CNTN6: variants seen among roughly 807,000 people sequenced by gnomAD.
CNTN6 encodes the protein contactin 6.
A neutral mutation model predicts 122.8 loss-of-function variants in CNTN6; 137 were observed. The observed-to-expected ratio is 1.12, with a 90% CI of 0.97 to 1.29. The LOEUF is 1.29. CNTN6 is among the 50% of genes most tolerant of loss of function. The probability of loss-of-function intolerance (pLI) is 0.00; values close to 1 mark genes in which losing one functional copy is unlikely to be tolerated. For missense variants in CNTN6, 1,634 were observed against 1,223.4 expected, an observed-to-expected ratio of 1.34 and a Z score of -5.01; for synonymous variants, 570 against 426.0, an observed-to-expected ratio of 1.34 and a Z score of -4.16.
chr3:1,128,969 G>A (rs1488421164), intron 1 of CNTN6, among the ~76,000 whole-genome samples: 1 of 151,850 alleles, frequency 6.6e-6, no homozygotes, highest in Non-Finnish European at 1.5e-5. Context: ...GGAACAACTA[G>A]ATATATGCCT....
intron 1 of CNTN6, among the ~76,000 whole-genome samples, chr3:1,100,374 T>A (rs1448093508): frequency 6.6e-6 from 1 of 152,190 alleles, no homozygotes; most frequent in Non-Finnish European, 1.5e-5. Context: ...GGGGACTGTT[T>A]ATGATGTAAT....
intron 1 of CNTN6, among the ~76,000 whole-genome samples, chr3:1,130,400 C>A (rs1164289285): frequency 6.6e-6 from 1 of 152,008 alleles, no homozygotes; most frequent in Non-Finnish European, 1.5e-5. Context: ...TGCTTTCCTC[C>A]AAGCAAGAAA....
intron 1 of CNTN6, among the ~76,000 whole-genome samples, chr3:1,119,585 A>G (rs2091874199): frequency 6.6e-6 from 1 of 151,906 alleles, no homozygotes; most frequent in Non-Finnish European, 1.5e-5. Flanking sequence ...CACAAGACTA[A>G]AAGAGAATTC....
intron 7 of CNTN6, among the ~76,000 whole-genome samples, chr3:1,315,161 C>CTTCAAAGAT (rs1314858745): frequency 6.6e-6 from 1 of 151,644 alleles, no homozygotes; most frequent in East Asian, 2.0e-4. Flanking sequence ...TTCTGAAGAC[C>CTTCAAAGAT]CCTTCAAAGA....
intron 20 of CNTN6, among the ~76,000 whole-genome samples, chr3:1,395,500 A>G (rs1694875457): frequency 1.3e-5 from 2 of 152,230 alleles, no homozygotes; most frequent in South Asian, 4.1e-4. Context: ...CAGCAACAGT[A>G]GGGTACCTTC....
chr3:1,163,584 T>A (rs1177290940), intron 2 of CNTN6, among the ~76,000 whole-genome samples: 2 of 152,130 alleles, frequency 1.3e-5, no homozygotes, highest in Non-Finnish European at 2.9e-5. Context: ...GCTAATTTTT[T>A]AAATTATTAC....
chr3:1,160,807 C>A (rs1400859267), intron 2 of CNTN6, among the ~76,000 whole-genome samples: 1 of 152,004 alleles, frequency 6.6e-6, no homozygotes, highest in Non-Finnish European at 1.5e-5. Context: ...TGTGCTGGAG[C>A]TGACTCGTAG....
chr3:1,205,585 TATCTAC>T (rs1191666671), intron 2 of CNTN6, among the ~76,000 whole-genome samples: 4 of 152,204 alleles, frequency 2.6e-5, no homozygotes, highest in African/African-American at 9.7e-5. Flanking sequence ...TGTAGCTACC[TATCTAC>T]ATCTACAAGT....
intron 1 of CNTN6, among the ~76,000 whole-genome samples, chr3:1,120,684 A>G (rs2091916124): frequency 6.6e-6 from 1 of 151,888 alleles, no homozygotes; most frequent in Non-Finnish European, 1.5e-5. Context: ...TTTGAGTCCT[A>G]AGAAATCTTT....
At chr3:1,261,863 T>C (rs146230903) in intron 4 of CNTN6, among the ~76,000 whole-genome samples, 13 of 152,198 alleles carry the variant, frequency 8.5e-5, no homozygotes, top group South Asian at 2.1e-4. Flanking sequence ...CAAGAGGAGG[T>C]GTAAAAGTTC....
At chr3:1,287,238 A>C (rs562444407) in intron 5 of CNTN6, among the ~76,000 whole-genome samples, 1 of 152,272 alleles carries the variant, frequency 6.6e-6, no homozygotes, top group African/African-American at 2.4e-5. Context: ...CTACGGGAGT[A>C]ATTCTTTATT....
chr3:1,251,034 C>T (rs947092412), intron 4 of CNTN6, among the ~76,000 whole-genome samples: 2 of 152,198 alleles, frequency 1.3e-5, no homozygotes, highest in South Asian at 2.1e-4. Context: ...TAAACTCCAA[C>T]ATTTCTTGAA....
intron 4 of CNTN6, among the ~76,000 whole-genome samples, chr3:1,246,179 C>T (rs550292999): frequency 7.9e-5 from 12 of 152,240 alleles, no homozygotes; most frequent in African/African-American, 2.6e-4. Flanking sequence ...AGAAGGTCCG[C>T]CCATTATATC....
intron 4 of CNTN6, among the ~76,000 whole-genome samples, chr3:1,274,084 C>A (rs1158940071): frequency 6.6e-6 from 1 of 151,978 alleles, no homozygotes; most frequent in East Asian, 1.9e-4. Context: ...CTTTCAAAAA[C>A]AATAGTAAGA....
chr3:1,142,970 A>G (rs75292122), intron 1 of CNTN6, among the ~76,000 whole-genome samples: 1,604 of 24,958 alleles, frequency 0.064, 13 homozygotes, highest in African/African-American at 0.19. Flanking sequence ...GTGTGTGTGT[A>G]TATATATATA....
intron 4 of CNTN6, among the ~76,000 whole-genome samples, chr3:1,236,396 G>A (rs1022819021): frequency 2.0e-5 from 3 of 152,096 alleles, no homozygotes; most frequent in South Asian, 2.1e-4. Flanking sequence ...ACCTAAAGAT[G>A]GATCACATTA....
At chr3:1,371,155 C>G (rs775829246) in intron 12 of CNTN6, among the ~76,000 whole-genome samples, 7 of 152,016 alleles carry the variant, frequency 4.6e-5, no homozygotes, top group Non-Finnish European at 1.0e-4. Context: ...TGCAGTTACA[C>G]ATTAATCATT....
At position 1,254,057 on chromosome 3, in the gene CNTN6, C is replaced by T. The variant is rs543969900; in HGVS notation, c.359-24356C>T. On this transcript the variant is annotated intron_variant, in intron 4 of 22. Transcript: ENST00000446702. The stretch of plus-strand genomic sequence containing the variant: ...TTTTTAAGTTATAAAAAATTTCAAA[C>T]ATACAGAAATGTCTATAAAAATATT... Among the ~76,000 whole-genome samples, 31 of 152,194 alleles carry T rather than the reference C, an allele frequency of 2.0e-4. No individual in the cohort carries two copies. In the East Asian group the frequency reaches 5.4e-3, roughly 27 times the overall value.
Position 1,333,284 on chromosome 3 carries a change from C to T in CNTN6, c.1364+3349C>T, listed in dbSNP as rs183487819. 5.5e-4 allele frequency among the ~76,000 whole-genome samples: 84 copies of T among 152,064 alleles called. 1 individual carries two copies. Among genetic ancestry groups the T allele is most frequent in the African/African-American group, 1.8e-3 (76 of 41,520 alleles). ...TGTTCAATGCTATATTTGAAAGGAG[C>T]ACTAGAGATAATGTATCCCATTTTC... On this transcript the variant is annotated intron_variant, in intron 11 of 22. Coordinates refer to ENST00000446702, the MANE Select transcript of CNTN6 (RefSeq NM_001289080.2).
Sources: allele counts gnomAD v4.1 joint callset (sites outside exome capture counted in the v4.1 genomes callset), GRCh38; gene constraint gnomAD v4.1.1; transcripts MANE v1.5; gene names NCBI Gene and HGNC (gene_info 2026-07-23, HGNC 2026-07-21).